The following TXLNG variants were observed in gnomAD, a reference collection of about 807,000 sequenced individuals.
The protein encoded by TXLNG is taxilin gamma.
A neutral mutation model predicts 38.8 loss-of-function variants in TXLNG; 5 were observed. The ratio of observed to expected loss-of-function variants is 0.13; its 90% CI spans 0.07 to 0.27. TXLNG has a LOEUF of 0.27. TXLNG is among the 10% of genes least tolerant of loss of function. The pLI, the probability that TXLNG is intolerant of heterozygous loss-of-function variation, is 1.00. For missense variants in TXLNG, 393 were observed against 398.2 expected, an observed-to-expected ratio of 0.99 and a Z score of 0.11; for synonymous variants, 182 against 158.2, an observed-to-expected ratio of 1.15 and a Z score of -1.13.
chrX:16,792,937 A>G (rs1927754220), intron 1 of TXLNG, among the ~76,000 whole-genome samples: 1 of 108,459 alleles, frequency 9.2e-6, no homozygotes, highest in Non-Finnish European at 1.9e-5. Context: ...TCTCTACTAA[A>G]AATACAAAAA....
chrX:16,820,343 T>C, intron 3 of TXLNG, 88 bp downstream of exon 3: 3 of 675,627 alleles, frequency 4.4e-6, no homozygotes, highest in Non-Finnish European at 4.5e-6. Flanking sequence ...ACAAATTTGA[T>C]ATGGCCTTAA....
intron 1 of TXLNG, among the ~76,000 whole-genome samples, chrX:16,810,153 G>A (rs979574085): frequency 2.7e-5 from 3 of 111,828 alleles, no homozygotes; most frequent in African/African-American, 9.8e-5. Flanking sequence ...TGAGGATTAA[G>A]CTAATTAATA....
In TXLNG at chrX:16,844,248, C is replaced by G. The variant is rs1930002948; in HGVS notation, c.*2482C>G. 9.0e-6 allele frequency: 1 copy of G among 111,654 alleles called. No individual in the cohort carries two copies. The highest frequency in any genetic ancestry group is 1.9e-5 in the Non-Finnish European group (1 of 53,183). The allele number at this position is 111,654 out of a possible 1,213,427, so 9.2% of individuals were successfully genotyped here. A position where few individuals can be genotyped will look rare whatever the true frequency, so the allele number is the denominator to read the frequency against. On this transcript the variant is annotated 3_prime_UTR_variant, in exon 10 of 10. Transcript: ENST00000380122. ...AACTGCCTTTATTACACCTGGTTAT[C>G]ACAATTCAATTCTCAGGTGTTGCAG...
chrX:16,795,048 C>T (rs1412213507), intron 1 of TXLNG, among the ~76,000 whole-genome samples: 1 of 110,919 alleles, frequency 9.0e-6, no homozygotes, highest in Non-Finnish European at 1.9e-5. Context: ...GAGGCAGAGG[C>T]AGGCGGATCA....
chrX:16,786,531 G>GCGC lies in TXLNG; in HGVS notation c.47_49dup (p.Ala16dup). On this transcript the variant is annotated inframe_insertion, in exon 1 of 10. Transcript: ENST00000380122. ...GAGGCAGCGCGGGGAAGAGGCGGCG[G>GCGC]CGCCGAAGAGGCGACTGAGGCCGGA... The GCGC allele has an allele frequency of 9.1e-7, 1 of 1,104,484 alleles. No homozygotes were observed. The highest frequency in any genetic ancestry group is 1.2e-6 in the Non-Finnish European group (1 of 846,026). The allele number at this position is 1,104,484 out of a possible 1,213,427, so 91.0% of individuals were successfully genotyped here.
chrX:16,818,401 TTTATAG>T (rs1928818183), intron 1 of TXLNG, among the ~76,000 whole-genome samples, 167 bp from the exon 2 acceptor site: 1 of 111,966 alleles, frequency 8.9e-6, no homozygotes, highest in Admixed American at 9.5e-5. Flanking sequence ...TTCCTTATAC[TTTATAG>T]TTAGGTCACC....
chrX:16,813,575 G>T (rs1027111074), intron 1 of TXLNG, among the ~76,000 whole-genome samples: 6 of 106,584 alleles, frequency 5.6e-5, no homozygotes, highest in Non-Finnish European at 1.2e-4. Context: ...TTGAGCCCAG[G>T]AGGTTGAGGC....
intron 1 of TXLNG, among the ~76,000 whole-genome samples, chrX:16,814,562 C>T (rs1316940024): frequency 3.6e-5 from 4 of 111,873 alleles, no homozygotes; most frequent in Admixed American, 9.5e-5. Flanking sequence ...TTGCAGTGAG[C>T]GGAGACCGTG....
At chrX:16,827,918 G>A (rs1008756602) in intron 3 of TXLNG, among the ~76,000 whole-genome samples, 176 bp from the exon 4 acceptor site, 14 of 111,776 alleles carry the variant, frequency 1.3e-4, no homozygotes, top group Non-Finnish European at 1.7e-4. Context: ...GTCACAACTG[G>A]AAGAGGAGAG....
chrX:16,786,785 G>A (rs1927504523), intron 1 of TXLNG, among the ~76,000 whole-genome samples, 196 bp downstream of exon 1: 1 of 108,502 alleles, frequency 9.2e-6, no homozygotes, highest in African/African-American at 3.4e-5. Flanking sequence ...GGGAAGGGAC[G>A]ACGGTTGGGG....
chrX:16,826,047 A>AT (rs1161252698), intron 3 of TXLNG, among the ~76,000 whole-genome samples: 8 of 108,854 alleles, frequency 7.3e-5, no homozygotes, highest in Admixed American at 2.0e-4. Flanking sequence ...AACCAAAAGG[A>AT]TTTTTTTTTT....
At chrX:16,796,708 C>G (rs1432322703) in intron 1 of TXLNG, among the ~76,000 whole-genome samples, 4 of 111,064 alleles carry the variant, frequency 3.6e-5, no homozygotes, top group African/African-American at 1.3e-4. Context: ...CTGTTCTCCT[C>G]CCTGGTCCCA....
chrX:16,830,664 T>C lies in TXLNG; in HGVS notation c.864+894T>C, dbSNP rs182566334. Among the ~76,000 whole-genome samples, 465 of 107,663 alleles carry C rather than the reference T, an allele frequency of 4.3e-3. 12 individuals carry two copies. Among genetic ancestry groups the C allele is most frequent in the Admixed American group, 0.04 (394 of 9,942 alleles). 93.5% of individuals were successfully genotyped at this position (107,663 alleles called of 115,157 possible). A position where few individuals can be genotyped will look rare whatever the true frequency, so the allele number is the denominator to read the frequency against. ...TTTATCTTGTTTTCAACTCAAACTT[T>C]ATAGTTTTACATACAGCCCTTCAAA... is the stretch of plus-strand genomic sequence containing the variant. On this transcript the variant is annotated intron_variant, in intron 5 of 9. Coordinates refer to ENST00000380122, the MANE Select transcript of TXLNG (RefSeq NM_018360.3).
chrX:16,832,895 A>G (rs1471961690), intron 6 of TXLNG, among the ~76,000 whole-genome samples, 153 bp downstream of exon 6: 1 of 112,320 alleles, frequency 8.9e-6, no homozygotes, highest in Non-Finnish European at 1.9e-5. Flanking sequence ...GTTTTGCTGT[A>G]GATTGAGAAG....
At chrX:16,805,540 A>G (rs527471955) in intron 1 of TXLNG, among the ~76,000 whole-genome samples, 277 of 112,836 alleles carry the variant, frequency 2.5e-3, no homozygotes, top group African/African-American at 8.0e-3. Flanking sequence ...CAATCTTGGT[A>G]TATCTGGAGG....
chrX:16,810,536 A>AT (rs1928474429), intron 1 of TXLNG, among the ~76,000 whole-genome samples: 2 of 112,160 alleles, frequency 1.8e-5, no homozygotes, highest in African/African-American at 6.5e-5. Context: ...AACTGGGCTT[A>AT]TTAATAAACA....
At chrX:16,840,967 C>T (rs189380629) in intron 9 of TXLNG, among the ~76,000 whole-genome samples, 29 of 111,257 alleles carry the variant, frequency 2.6e-4, no homozygotes, top group Admixed American at 5.7e-4. Context: ...GAGGCCAAGG[C>T]GGGCAGATCA....
intron 1 of TXLNG, among the ~76,000 whole-genome samples, chrX:16,800,626 G>A (rs1191708513): frequency 2.9e-5 from 3 of 104,603 alleles, no homozygotes; most frequent in South Asian, 4.4e-4. Context: ...GTGCAATTGC[G>A]TTATCTCAGC....
chrX:16,811,341 A>T (rs1928506761), intron 1 of TXLNG, among the ~76,000 whole-genome samples: 1 of 111,388 alleles, frequency 9.0e-6, no homozygotes, highest in Admixed American at 9.6e-5. Context: ...TGCATTACAC[A>T]ATAGTTTTTT....
Sources: allele counts gnomAD v4.1 joint callset (sites outside exome capture counted in the v4.1 genomes callset), GRCh38; gene constraint gnomAD v4.1.1; transcripts MANE v1.5; gene names NCBI Gene and HGNC (gene_info 2026-07-23, HGNC 2026-07-21).